CAMK1D: variants seen among roughly 807,000 people sequenced by gnomAD.
CAMK1D encodes calcium/calmodulin-dependent protein kinase type 1D.
A neutral mutation model predicts 47.7 loss-of-function variants in CAMK1D; 9 were observed. The observed-to-expected ratio is 0.19, with a 90% CI of 0.11 to 0.33. The LOEUF is 0.33. Among genes scored for constraint, CAMK1D ranks in the 10% least tolerant of loss-of-function variants. CAMK1D has a pLI of 1.00. For synonymous variants in CAMK1D, 184 were observed against 184.9 expected, an observed-to-expected ratio of 0.99 and a Z score of 0.04; for missense variants, 291 against 488.7, an observed-to-expected ratio of 0.60 and a Z score of 3.81.
At chr10:12,669,247 A>C (rs971526877) in intron 3 of CAMK1D, among the ~76,000 whole-genome samples, 1 of 151,444 alleles carries the variant, frequency 6.6e-6, no homozygotes, top group Non-Finnish European at 1.5e-5. Flanking sequence ...AAACAAAAAA[A>C]CCCCACAAAA....
intron 2 of CAMK1D, among the ~76,000 whole-genome samples, chr10:12,565,217 C>T (rs367621846): frequency 5.3e-5 from 8 of 151,306 alleles, no homozygotes; most frequent in Non-Finnish European, 1.2e-4. Context: ...TCTCTGAAAA[C>T]GAATAAATAC....
intron 3 of CAMK1D, among the ~76,000 whole-genome samples, chr10:12,702,592 A>G (rs978068137): frequency 6.6e-6 from 1 of 152,248 alleles, no homozygotes; most frequent in South Asian, 2.1e-4. Flanking sequence ...AGGACTTTAC[A>G]TGTGTATCTC....
chr10:12,478,369 A>G (rs912983274), intron 1 of CAMK1D, among the ~76,000 whole-genome samples: 1 of 151,636 alleles, frequency 6.6e-6, no homozygotes, highest in Non-Finnish European at 1.5e-5. Context: ...TGGTGTGATC[A>G]TGGCTTACTG....
At chr10:12,616,319 T>C (rs1255447589) in intron 2 of CAMK1D, among the ~76,000 whole-genome samples, 1 of 152,146 alleles carries the variant, frequency 6.6e-6, no homozygotes, top group Non-Finnish European at 1.5e-5. Flanking sequence ...ACAAAGCGGG[T>C]TATCTTGGAC....
intron 6 of CAMK1D, among the ~76,000 whole-genome samples, chr10:12,798,314 A>T (rs2131022436): frequency 6.6e-6 from 1 of 152,340 alleles, no homozygotes. Context: ...ACTTTTATCG[A>T]GCCTAACATG....
At chr10:12,384,288 A>G (rs1199401030) in intron 1 of CAMK1D, among the ~76,000 whole-genome samples, 1 of 152,228 alleles carries the variant, frequency 6.6e-6, no homozygotes, top group Non-Finnish European at 1.5e-5. Flanking sequence ...CCCCAAATTA[A>G]TCTATAGATT....
chr10:12,810,521 C>T (rs750043755), intron 6 of CAMK1D, among the ~76,000 whole-genome samples: 4 of 152,164 alleles, frequency 2.6e-5, no homozygotes, highest in African/African-American at 9.7e-5. Context: ...GTGATCTCCT[C>T]GCCTTGGCCT....
In CAMK1D at chr10:12,832,681, A is replaced by C. The variant is rs191932157; in HGVS notation, c.*3794A>C. 1 of 152,214 alleles carries C rather than the reference A, an allele frequency of 6.6e-6. No homozygotes were observed. Among genetic ancestry groups the C allele is most frequent in the Non-Finnish European group, 1.5e-5 (1 of 68,050 alleles). The allele number at this position is 152,214 out of a possible 1,614,324, so 9.4% of individuals were successfully genotyped here. Reference sequence around the variant, plus strand: ...CTTGACCATGGCCACAATTCTGGTCACTTCTAGCATCTGACCTTGAGAACG... The same window carrying C: ...CTTGACCATGGCCACAATTCTGGTCCCTTCTAGCATCTGACCTTGAGAACG... On this transcript the variant is annotated 3_prime_UTR_variant, in exon 11 of 11. Coordinates refer to ENST00000619168, the MANE Select transcript of CAMK1D (RefSeq NM_153498.4).
At chr10:12,652,545 A>C (rs1033974934) in intron 2 of CAMK1D, among the ~76,000 whole-genome samples, 25 of 151,956 alleles carry the variant, frequency 1.6e-4, no homozygotes, top group African/African-American at 6.0e-4. Context: ...CAGAGAGTGC[A>C]CCACTGCACT....
At chr10:12,483,558 C>A (rs757730558) in intron 1 of CAMK1D, among the ~76,000 whole-genome samples, 1 of 151,982 alleles carries the variant, frequency 6.6e-6, no homozygotes, top group Non-Finnish European at 1.5e-5. Context: ...GAGATGTGGT[C>A]TTGTTATGTT....
intron 4 of CAMK1D, among the ~76,000 whole-genome samples, chr10:12,764,138 T>G (rs1011390646): frequency 6.6e-6 from 1 of 152,180 alleles, no homozygotes; most frequent in African/African-American, 2.4e-5. Context: ...CCCAGCACTT[T>G]GGGAGGCGGA....
rs72457518 is a variant in CAMK1D, at chr10:12,833,916, T to TAAAAAAAAAA, written c.*5042_*5051dup. 1.7e-5 allele frequency: 2 copies of TAAAAAAAAAA among 119,418 alleles called. No homozygotes were observed. Among genetic ancestry groups the TAAAAAAAAAA allele is most frequent in the East Asian group, 2.6e-4 (1 of 3,918 alleles). The allele number at this position is 119,418 out of a possible 1,614,324, so 7.4% of individuals were successfully genotyped here. A position where few individuals can be genotyped will look rare whatever the true frequency, so the allele number is the denominator to read the frequency against. ...CCAGACCAAACACTGTTCAGTTTGT[T>TAAAAAAAAAA]AAAAAAAAAAAAAAAAAAAAAAGAT... On this transcript the variant is annotated 3_prime_UTR_variant, in exon 11 of 11. Transcript: ENST00000619168.
intron 1 of CAMK1D, among the ~76,000 whole-genome samples, chr10:12,366,346 A>G (rs1224082375): frequency 6.6e-6 from 1 of 152,136 alleles, no homozygotes; most frequent in Non-Finnish European, 1.5e-5. Context: ...GGAAGAATAT[A>G]AAGAAGACAG....
chr10:12,479,773 G>C (rs1424548003), intron 1 of CAMK1D, among the ~76,000 whole-genome samples: 1 of 152,230 alleles, frequency 6.6e-6, no homozygotes, highest in Non-Finnish European at 1.5e-5. Context: ...ATCCTGGCAT[G>C]CATGGGTGTA....
intron 2 of CAMK1D, among the ~76,000 whole-genome samples, chr10:12,595,980 G>A (rs1838136651): frequency 6.6e-6 from 1 of 151,880 alleles, no homozygotes; most frequent in Non-Finnish European, 1.5e-5. Context: ...GCCACACATG[G>A]AACCCAGCTG....
intron 1 of CAMK1D, among the ~76,000 whole-genome samples, chr10:12,477,598 A>T (rs1451787392): frequency 6.6e-6 from 1 of 152,160 alleles, no homozygotes; most frequent in East Asian, 1.9e-4. Flanking sequence ...AGACAGGTGA[A>T]GGGGCTGGAA....
intron 2 of CAMK1D, among the ~76,000 whole-genome samples, chr10:12,562,052 C>T (rs1240415102): frequency 6.6e-6 from 1 of 152,168 alleles, no homozygotes; most frequent in African/African-American, 2.4e-5. Flanking sequence ...TTTTCTGTTG[C>T]TATAGCATAA....
chr10:12,378,769 A>T (rs1383404255), intron 1 of CAMK1D, among the ~76,000 whole-genome samples: 1 of 148,502 alleles, frequency 6.7e-6, no homozygotes, highest in Non-Finnish European at 1.5e-5. Flanking sequence ...TTCTCATGAG[A>T]TCTCTATCCA....
At chr10:12,556,971 A>G (rs940986515) in intron 2 of CAMK1D, among the ~76,000 whole-genome samples, 14 of 152,284 alleles carry the variant, frequency 9.2e-5, no homozygotes, top group African/African-American at 3.4e-4. Flanking sequence ...ACACAGTGGA[A>G]TCTGTAGGAC....
Sources: gnomAD v4.1 joint callset for allele counts (sites outside exome capture counted in the v4.1 genomes callset) on GRCh38, gnomAD v4.1.1 for gene constraint, MANE v1.5 for transcripts, NCBI Gene and HGNC (gene_info 2026-07-23, HGNC 2026-07-21) for gene names.